Variants in MAN2B1 observed in about 807,000 individuals in gnomAD.
The protein encoded by MAN2B1 is lysosomal alpha-mannosidase.
Under a neutral mutation model 127.5 loss-of-function variants are expected in MAN2B1, and 99 were observed. The ratio of observed to expected loss-of-function variants is 0.78; its 90% CI spans 0.66 to 0.92. The LOEUF (loss-of-function observed/expected upper bound fraction) is 0.92, where lower values mean the gene tolerates loss of function less well. Among genes scored for constraint, MAN2B1 ranks in the 40% least tolerant of loss-of-function variants. The pLI is 0.00. For missense variants in MAN2B1, 1,304 were observed against 1,384.8 expected (o/e 0.94, Z 0.93); for synonymous variants, 573 against 568.8 (o/e 1.01, Z -0.11).
rs764312812 is a variant in MAN2B1, at chr19:12,663,386, C to T, written c.840G>A (p.Glu280=). The T allele has an allele frequency of 5.0e-6, 8 of 1,614,062 alleles. No homozygotes were observed. In the Admixed American group the frequency reaches 1.3e-4, roughly 27 times the overall value. The change falls in exon 6 of 24, where the codon GAG becomes GAA. Residue 280 remains glutamate (E), a synonymous_variant. Coordinates refer to ENST00000456935, the MANE Select transcript of MAN2B1 (RefSeq NM_000528.4). ...CGTTGTACTCGGGGCTGCGAGGGTC[C>T]TCCACCAGCGGCTGATCGACACACA... is the stretch of plus-strand genomic sequence containing the variant. The part of the protein sequence containing the change: ...DVLCVDQPLV[E]DPRSPEYNAK...
In MAN2B1 at chr19:12,666,687, C is replaced by T. The variant is rs1337864540; in HGVS notation, c.15G>A (p.Ala5=). The change falls in exon 1 of 24, where the codon GCG becomes GCA. Residue 5 remains alanine, a synonymous_variant. Transcript: ENST00000456935. MGAY[A]RASGVCARGC... ...CGCGAGCGCAGACCCCCGAAGCCCG[C>T]GCGTAGGCGCCCATGGCTCAGCAGC... The T allele has an allele frequency of 3.2e-6, 5 of 1,550,048 alleles. No homozygotes were observed. In the South Asian group the frequency reaches 3.6e-5, roughly 11 times the overall value.
At chr19:12,649,459 G>C in intron 18 of MAN2B1, 31 bp from the exon 19 acceptor site, 1 of 1,125,082 alleles carries the variant, frequency 8.9e-7, no homozygotes, top group Non-Finnish European at 1.3e-6. Flanking sequence ...ATCAGGCTTG[G>C]GATCTGGCTC....
At position 12,647,611 on chromosome 19, in the gene MAN2B1, G is replaced by C; in HGVS notation, c.2665-13C>G. The C allele has an allele frequency of 6.2e-7, 1 of 1,608,506 alleles. No individual in the cohort carries two copies. Among genetic ancestry groups the C allele is most frequent in the South Asian group, 1.1e-5 (1 of 90,860 alleles). Reference sequence around the variant, plus strand: ...GCAGCCCTGAGAACTGCGGGAGAGAGGGCGGGGCTGAGTTGGAGAGGGGCG... The same window carrying C: ...GCAGCCCTGAGAACTGCGGGAGAGACGGCGGGGCTGAGTTGGAGAGGGGCG... On this transcript the variant is annotated splice_polypyrimidine_tract_variant and intron_variant, in intron 21 of 23. Coordinates refer to ENST00000456935, the MANE Select transcript of MAN2B1 (RefSeq NM_000528.4). This position sits in a 1 kb window ranked among gnomAD's most constrained non-coding sequence, Gnocchi z 4.9.
chr19:12,665,575 T>A (rs766749146), intron 2 of MAN2B1, 50 bp from the exon 3 acceptor site: 1 of 1,609,524 alleles, frequency 6.2e-7, no homozygotes, highest in Admixed American at 1.7e-5. Context: ...GCCAAGGGGG[T>A]TATTCCTAGA....
Position 12,666,553 on chromosome 19 carries a change from C to G in MAN2B1, c.149G>C (p.Gly50Ala). The change falls in exon 1 of 24, where the codon GGG becomes GCG. Residue 50 changes from glycine (G) to alanine (A), a missense_variant. Gly to Ala is a moderately conservative substitution (Grantham distance 60). Transcript: ENST00000456935. ...GGAGGCCCCACTCACCTCGTATCCC[C>G]CGGCCCGAGCACCGGCAGCCGCCAG... Reference protein sequence around the residue: ...LLLAAAGARAGGYETCPTVQP... With the variant: ...LLLAAAGARAAGYETCPTVQP... 1 of 1,584,978 alleles carries G rather than the reference C, an allele frequency of 6.3e-7. No individual in the cohort carries two copies. The highest frequency in any genetic ancestry group is 8.6e-7 in the Non-Finnish European group (1 of 1,166,104).
At chr19:12,649,869 A>G (rs769767974) in intron 18 of MAN2B1, 44 bp downstream of exon 18, 26 of 1,516,734 alleles carry the variant, frequency 1.7e-5, no homozygotes, top group Non-Finnish European at 2.3e-5. Context: ...CTGGGCCCCA[A>G]CACACCACAG....
At chr19:12,666,178 AG>A in intron 1 of MAN2B1, among the ~76,000 whole-genome samples, 1 of 152,124 alleles carries the variant, frequency 6.6e-6, no homozygotes, top group East Asian at 1.9e-4. Flanking sequence ...TCACACACTC[AG>A]GAAGTGTAAG....
chr19:12,660,993 G>A (rs1287405321), intron 7 of MAN2B1: 3 of 387,170 alleles, frequency 7.7e-6, no homozygotes, highest in Non-Finnish European at 1.5e-5. Flanking sequence ...TCCTGACCTC[G>A]TGATCTGCCC....
In MAN2B1 at chr19:12,649,432, G is replaced by GGGTT. The variant is rs1363163564; in HGVS notation, c.2268-8_2268-5dup. 1 of 1,601,048 alleles carries GGGTT rather than the reference G, an allele frequency of 6.2e-7. No individual in the cohort carries two copies. The highest frequency in any genetic ancestry group is 8.5e-7 in the Non-Finnish European group (1 of 1,170,328). On this transcript the variant is annotated splice_region_variant and splice_polypyrimidine_tract_variant and intron_variant, in intron 18 of 23. Transcript: ENST00000456935. Reference sequence around the variant, plus strand: ...CCAGGTGGGTCGATAATCCCGCCTGGGGTTGGGGGTGAGCTGATCAGGCTT... The same window carrying GGGTT: ...CCAGGTGGGTCGATAATCCCGCCTGGGGTTGGTTGGGGGTGAGCTGATCAGGCTT...
rs1456043410 is a variant in MAN2B1 at position 12,647,649 on chromosome 19, A to G, written c.2665-51T>C. On this transcript the variant is annotated intron_variant, in intron 21 of 23. Transcript: ENST00000456935. This position sits in a 1 kb window ranked among gnomAD's most constrained non-coding sequence, Gnocchi z 4.9. ...TTGGAGAGGGGCGGGGCCTGGATGGAGAAGGGCGGGGCCGAGCCAGGTCAG... is the reference window on the plus strand; with the variant it reads ...TTGGAGAGGGGCGGGGCCTGGATGGGGAAGGGCGGGGCCGAGCCAGGTCAG... 6.5e-7 allele frequency: 1 copy of G among 1,535,408 alleles called. No individual in the cohort carries two copies. Among genetic ancestry groups the G allele is most frequent in the South Asian group, 1.2e-5 (1 of 86,466 alleles).
intron 11 of MAN2B1, 121 bp downstream of exon 11, chr19:12,657,325 T>A (rs2023989840): frequency 7.1e-6 from 4 of 561,164 alleles, no homozygotes; most frequent in Non-Finnish European, 7.5e-6. Flanking sequence ...CCACGAGCCC[T>A]TGTAGCCCCG....
rs1036430823 is a variant in MAN2B1, at chr19:12,652,125, T to C, written c.2046+28A>G. ...GCTCCATAACTTCCCCATTCCCAACTGCCCACTCATCATTCCTAGTCCCTG... is the reference window on the plus strand; with the variant it reads ...GCTCCATAACTTCCCCATTCCCAACCGCCCACTCATCATTCCTAGTCCCTG... On this transcript the variant is annotated intron_variant, in intron 16 of 23. Coordinates refer to ENST00000456935, the MANE Select transcript of MAN2B1 (RefSeq NM_000528.4). 3.8e-6 allele frequency: 6 copies of C among 1,558,750 alleles called. No individual in the cohort carries two copies. The Admixed American group carries it at 6.7e-5, about 17-fold the overall frequency.
At chr19:12,650,354 A>T in intron 16 of MAN2B1, 132 bp from the exon 17 acceptor site, 1 of 638,672 alleles carries the variant, frequency 1.6e-6, no homozygotes, top group Non-Finnish European at 2.8e-6. Flanking sequence ...CCGCCACATA[A>T]TTCTTTTTTT....
chr19:12,657,942 G>C, intron 10 of MAN2B1, 121 bp downstream of exon 10: 2 of 879,272 alleles, frequency 2.3e-6, no homozygotes, highest in Non-Finnish European at 1.7e-6. Context: ...GAGACAAATC[G>C]AGACTCCGTC....
At chr19:12,660,554 G>C (rs1392722361) in intron 7 of MAN2B1, among the ~76,000 whole-genome samples, 1 of 152,078 alleles carries the variant, frequency 6.6e-6, no homozygotes. Flanking sequence ...GAGAATGAGA[G>C]AAAGGGATGT....
chr19:12,646,553 G>A lies in MAN2B1; in HGVS notation c.*67C>T. 8.3e-7 allele frequency: 1 copy of A among 1,202,064 alleles called. No individual in the cohort carries two copies. Among genetic ancestry groups the A allele is most frequent in the South Asian group, 1.2e-5 (1 of 82,454 alleles). The allele number at this position is 1,202,064 out of a possible 1,614,324, so 74.5% of individuals were successfully genotyped here. A position where few individuals can be genotyped will look rare whatever the true frequency, so the allele number is the denominator to read the frequency against. ...CGTTTTAATGGCAGCAGCCCCAAGA[G>A]GAGAGTCAGAGTCTGGTCTGCCCCC... On this transcript the variant is annotated 3_prime_UTR_variant, in exon 24 of 24. Transcript: ENST00000456935.
rs1451716724 is a variant in MAN2B1 at position 12,647,982 on chromosome 19, C to G, written c.2664+193G>C. Among the ~76,000 whole-genome samples the G allele has an allele frequency of 6.6e-6, 1 of 152,010 alleles. No individual in the cohort carries two copies. Among genetic ancestry groups the G allele is most frequent in the Non-Finnish European group, 1.5e-5 (1 of 67,978 alleles). On this transcript the variant is annotated intron_variant, in intron 21 of 23. Transcript: ENST00000456935. This position sits in a 1 kb window ranked among gnomAD's most constrained non-coding sequence, Gnocchi z 4.9. ...TTAGGGGCATGAGCTAGGGCTGTGC[C>G]TCTACACAGTCCAGGGGGGTTGGGA...
At chr19:12,661,876 ACT>A (rs1036823402) in intron 6 of MAN2B1, among the ~76,000 whole-genome samples, 3 of 151,012 alleles carry the variant, frequency 2.0e-5, no homozygotes, top group African/African-American at 7.3e-5. Flanking sequence ...ACAGAGTTTC[ACT>A]CTGCTGCCCA....
At chr19:12,648,049 G>T in intron 21 of MAN2B1, 126 bp downstream of exon 21, 1 of 990,150 alleles carries the variant, frequency 1.0e-6, no homozygotes, top group Non-Finnish European at 1.5e-6. Context: ...GGATGGGGTT[G>T]GCCCGAGGGT....
Sources: allele counts gnomAD v4.1 joint callset (sites outside exome capture counted in the v4.1 genomes callset), GRCh38; gene constraint gnomAD v4.1.1; non-coding constraint Gnocchi (gnomAD v3.1); transcripts MANE v1.5; gene names NCBI Gene and HGNC (gene_info 2026-07-23, HGNC 2026-07-21).